The following TPCN2 variants were observed in gnomAD, a reference collection of about 807,000 sequenced individuals.
The protein encoded by TPCN2 is two pore channel protein 2.
Under a neutral mutation model 111.4 loss-of-function variants are expected in TPCN2, and 92 were observed. The observed-to-expected ratio is 0.83, with a 90% confidence interval of 0.70 to 0.98. The LOEUF (loss-of-function observed/expected upper bound fraction) is 0.98. TPCN2 is among the 50% of genes least tolerant of loss of function. The probability of loss-of-function intolerance (pLI) is 0.00; values close to 1 mark genes in which losing one functional copy is unlikely to be tolerated. For synonymous variants in TPCN2, 405 were observed against 414.5 expected (o/e 0.98, Z 0.28); for missense variants, 995 against 980.1 (o/e 1.02, Z -0.20).
chr11:69,062,187 C>A (rs1855051687), intron 5 of TPCN2, among the ~76,000 whole-genome samples: 1 of 152,064 alleles, frequency 6.6e-6, no homozygotes. Context: ...TCTCGTGAAC[C>A]CCTCACCTGA....
intron 1 of TPCN2, among the ~76,000 whole-genome samples, chr11:69,051,515 A>C (rs1455135393): frequency 1.3e-5 from 2 of 152,226 alleles, no homozygotes; most frequent in Non-Finnish European, 2.9e-5. Flanking sequence ...GACCCTACAC[A>C]GGTTGTGCAG....
chr11:69,066,113 C>T (rs933868312), intron 7 of TPCN2, among the ~76,000 whole-genome samples: 3 of 151,992 alleles, frequency 2.0e-5, no homozygotes, highest in African/African-American at 4.8e-5. Context: ...TCAGCTGGCT[C>T]GAAGCCTGGC....
chr11:69,065,442 C>T (rs995019187), intron 7 of TPCN2, among the ~76,000 whole-genome samples: 15 of 152,192 alleles, frequency 9.9e-5, no homozygotes, highest in African/African-American at 3.6e-4. Flanking sequence ...GTTTCTGCCC[C>T]ACGAAGGGGA....
At chr11:69,057,506 G>A (rs1022155446) in intron 4 of TPCN2, 72 bp from the exon 5 acceptor site, 39 of 1,408,318 alleles carry the variant, frequency 2.8e-5, no homozygotes, top group Middle Eastern at 3.7e-4. Flanking sequence ...CCTGCGCTGC[G>A]CACCGTCATT....
chr11:69,080,751 C>T (rs1027471945), intron 17 of TPCN2, among the ~76,000 whole-genome samples: 2 of 152,246 alleles, frequency 1.3e-5, no homozygotes, highest in Non-Finnish European at 2.9e-5. Flanking sequence ...CAGGCAGTGC[C>T]ACTGTGCTGT....
chr11:69,066,986 G>C (rs979972805), intron 7 of TPCN2, among the ~76,000 whole-genome samples: 2 of 152,188 alleles, frequency 1.3e-5, no homozygotes, highest in South Asian at 4.1e-4. Context: ...CTTACCAATG[G>C]CTGTGATTCG....
chr11:69,087,289 G>C, intron 24 of TPCN2, 83 bp downstream of exon 24: 1 of 1,235,122 alleles, frequency 8.1e-7, no homozygotes, highest in South Asian at 1.3e-5. Flanking sequence ...TGAGGCGGCG[G>C]GCAGGCCCTG....
chr11:69,053,418 G>A (rs1339984729), intron 1 of TPCN2, among the ~76,000 whole-genome samples: 1 of 152,110 alleles, frequency 6.6e-6, no homozygotes. Flanking sequence ...AGTGCCTTTG[G>A]GTTCTAGATG....
At chr11:69,081,037 G>A (rs1475506831) in intron 17 of TPCN2, among the ~76,000 whole-genome samples, 4 of 152,186 alleles carry the variant, frequency 2.6e-5, no homozygotes, top group South Asian at 4.1e-4. Flanking sequence ...ATGGGCTCAC[G>A]CAGTTCTGCT....
chr11:69,069,135 T>C (rs113008427), intron 8 of TPCN2, among the ~76,000 whole-genome samples: 315 of 90,662 alleles, frequency 3.5e-3, no homozygotes, highest in Middle Eastern at 0.026. Context: ...GGAGCAGGAC[T>C]GTCTGAGTCC....
intron 13 of TPCN2, among the ~76,000 whole-genome samples, chr11:69,074,697 A>G (rs1283979831): frequency 6.6e-6 from 1 of 152,216 alleles, no homozygotes; most frequent in Admixed American, 6.5e-5. Flanking sequence ...CTAAATTGTT[A>G]CAAGGAGAAG....
intron 17 of TPCN2, among the ~76,000 whole-genome samples, chr11:69,080,973 G>A (rs897766231): frequency 3.9e-5 from 6 of 152,134 alleles, no homozygotes; most frequent in Non-Finnish European, 7.4e-5. Flanking sequence ...GGAGGTGGGC[G>A]ATGGGGGCAG....
chr11:69,050,262 C>T (rs1861161913), intron 1 of TPCN2, among the ~76,000 whole-genome samples: 1 of 152,196 alleles, frequency 6.6e-6, no homozygotes. Context: ...CTGGCAGGCC[C>T]CTTGATGAGA....
intron 13 of TPCN2, among the ~76,000 whole-genome samples, chr11:69,075,563 A>G (rs1474360970): frequency 1.3e-5 from 2 of 152,224 alleles, no homozygotes; most frequent in African/African-American, 2.4e-5. Context: ...AAGGGCTGGC[A>G]GAGCTTCAGT....
intron 5 of TPCN2, among the ~76,000 whole-genome samples, chr11:69,057,976 G>A (rs533314409): frequency 2.0e-4 from 31 of 152,318 alleles, no homozygotes; most frequent in African/African-American, 7.0e-4. Context: ...TCTGCCTCCC[G>A]GCTCTCCGCT....
At chr11:69,084,555 G>A in intron 19 of TPCN2, 1 of 984,930 alleles carries the variant, frequency 1.0e-6, no homozygotes, top group Non-Finnish European at 1.2e-6. Flanking sequence ...GCTTGGGCAG[G>A]AGAGGGGCCT....
At chr11:69,054,489 C>T (rs951655287) in intron 2 of TPCN2, 28 of 577,906 alleles carry the variant, frequency 4.8e-5, no homozygotes, top group African/African-American at 1.3e-4. Flanking sequence ...TGTTTGCTCA[C>T]GCACCCACCC....
rs201743920 is a variant in TPCN2, at chr11:69,072,749, G to T, written c.1143+41G>T. On this transcript the variant is annotated intron_variant, in intron 12 of 24. Transcript: ENST00000294309. ...TCCCAGCCTCCTCTGGGCTCCTCCC[G>T]GGAGGTCACTTGGGCCAGCAGCCCC... The T allele has an allele frequency of 3.8e-5, 61 of 1,610,586 alleles. No individual in the cohort carries two copies. In the African/African-American group the frequency reaches 7.6e-4, roughly 20 times the overall value.
rs562821088 is a variant in TPCN2 at position 69,072,378 on chromosome 11, C to T, written c.1062-249C>T. On this transcript the variant is annotated intron_variant, in intron 11 of 24. Coordinates refer to ENST00000294309, the MANE Select transcript of TPCN2 (RefSeq NM_139075.4). ...CCACCATCCTGCTTGGAAATGAGGGCAGAGAGCTTGAGGGACATTGCAGTG... is the reference window on the plus strand; with the variant it reads ...CCACCATCCTGCTTGGAAATGAGGGTAGAGAGCTTGAGGGACATTGCAGTG... Among the ~76,000 whole-genome samples, 31 of 152,190 alleles carry T rather than the reference C, an allele frequency of 2.0e-4. No individual in the cohort carries two copies. The South Asian group carries it at 6.4e-3, about 32-fold the overall frequency.
Sources: allele counts gnomAD v4.1 joint callset (sites outside exome capture counted in the v4.1 genomes callset), GRCh38; gene constraint gnomAD v4.1.1; transcripts MANE v1.5; gene names NCBI Gene and HGNC (gene_info 2026-07-23, HGNC 2026-07-21).